AGPAT4: variants seen among roughly 807,000 people sequenced by gnomAD.
AGPAT4 encodes the protein 1-acyl-sn-glycerol-3-phosphate acyltransferase delta.
Under a neutral mutation model 48.0 loss-of-function variants are expected in AGPAT4, and 15 were observed. That is an observed-to-expected ratio of 0.31 (90% confidence interval 0.21 to 0.48). AGPAT4 has a LOEUF of 0.48. AGPAT4 is among the 20% of genes least tolerant of loss of function. AGPAT4 has a pLI of 0.99. For synonymous variants in AGPAT4, 178 were observed against 198.7 expected (o/e 0.90, Z 0.88); for missense variants, 314 against 482.5 (o/e 0.65, Z 3.27).
Position 161,136,688 on chromosome 6 carries a change from G to A in AGPAT4, c.1043-54C>T, listed in dbSNP as rs1166547138. On this transcript the variant is annotated intron_variant, in intron 8 of 8. Transcript: ENST00000320285. The stretch of plus-strand genomic sequence containing the variant: ...AGTAGCCCAAACAGACTACAGGGCC[G>A]TTTTCCCACAGAGCAAGTGAGAAGG... 6 of 1,503,414 alleles carry A rather than the reference G, an allele frequency of 4.0e-6. No homozygotes were observed. In the African/African-American group the frequency reaches 4.1e-5, roughly 10 times the overall value. The allele number at this position is 1,503,414 out of a possible 1,614,324, so 93.1% of individuals were successfully genotyped here.
chr6:161,269,257 G>A (rs888192114), intron 1 of AGPAT4, among the ~76,000 whole-genome samples: 20 of 152,180 alleles, frequency 1.3e-4, no homozygotes, highest in Non-Finnish European at 2.1e-4. Flanking sequence ...TGTCTCCTGC[G>A]TTAGAAATTC....
In AGPAT4 at chr6:161,134,344, T is replaced by TATG. The variant is rs1562560787; in HGVS notation, c.*2193_*2195dup. 1 of 152,204 alleles carries TATG rather than the reference T, an allele frequency of 6.6e-6. No individual in the cohort carries two copies. The highest frequency in any genetic ancestry group is 2.4e-5 in the African/African-American group (1 of 41,444). 9.4% of individuals were successfully genotyped at this position (152,204 alleles called of 1,614,324 possible). ...TTGAATGTCTGTGGGCCCCCGGATC[T>TATG]ATGTTTTTAGAACTTACTTAGATTA... On this transcript the variant is annotated 3_prime_UTR_variant, in exon 9 of 9. Coordinates refer to ENST00000320285, the MANE Select transcript of AGPAT4 (RefSeq NM_020133.3).
Position 161,259,399 on chromosome 6 carries a change from G to A in AGPAT4, c.-90+14539C>T, listed in dbSNP as rs150734570. Among the ~76,000 whole-genome samples, 29 of 152,144 alleles carry A rather than the reference G, an allele frequency of 1.9e-4. No individual in the cohort carries two copies. The highest frequency in any genetic ancestry group is 6.3e-4 in the African/African-American group (26 of 41,540). ...AGTCCTAATATGACCTTGGCTGTCC[G>A]CAGCGCGTATGCTTTGAGTTGCTGG... On this transcript the variant is annotated intron_variant, in intron 1 of 8. Transcript: ENST00000320285. This position sits in a 1 kb window ranked among gnomAD's most constrained non-coding sequence, Gnocchi z 4.9.
At chr6:161,151,934 G>A (rs1288786188) in intron 5 of AGPAT4, among the ~76,000 whole-genome samples, 1 of 152,246 alleles carries the variant, frequency 6.6e-6, no homozygotes, top group Non-Finnish European at 1.5e-5. Context: ...CTTGGGCTGA[G>A]CCCAGAGCAA....
At position 161,184,906 on chromosome 6, in the gene AGPAT4, C is replaced by A. The variant is rs569552104; in HGVS notation, c.179-18489G>T. 9.2e-5 allele frequency among the ~76,000 whole-genome samples: 14 copies of A among 152,166 alleles called. No homozygotes were observed. The highest frequency in any genetic ancestry group is 3.4e-4 in the African/African-American group (14 of 41,512). On this transcript the variant is annotated intron_variant, in intron 2 of 8. Coordinates refer to ENST00000320285, the MANE Select transcript of AGPAT4 (RefSeq NM_020133.3). This position sits in a 1 kb window ranked among gnomAD's most constrained non-coding sequence, Gnocchi z 4.8. ...AGTATCAAGCACCCATACATAACTT[C>A]TAGTTTACAGGCAGGTCAAGAGGGA...
At position 161,231,932 on chromosome 6, in the gene AGPAT4, C is replaced by A; in HGVS notation, c.178+104G>T. 1.7e-6 allele frequency: 2 copies of A among 1,165,034 alleles called. No homozygotes were observed. Among genetic ancestry groups the A allele is most frequent in the Non-Finnish European group, 2.3e-6 (2 of 863,146 alleles). The allele number at this position is 1,165,034 out of a possible 1,614,324, so 72.2% of individuals were successfully genotyped here. On this transcript the variant is annotated intron_variant, in intron 2 of 8. Transcript: ENST00000320285. The surrounding 1 kb of genome is among the most constrained non-coding windows in gnomAD (Gnocchi z 5.3). Reference sequence around the variant, plus strand: ...CTAAAACAAAAACAAAACAAAAAAACAGCTCGGCACACAACGAAAGCCTAG... The same window carrying A: ...CTAAAACAAAAACAAAACAAAAAAAAAGCTCGGCACACAACGAAAGCCTAG...
intron 2 of AGPAT4, among the ~76,000 whole-genome samples, chr6:161,176,265 G>C (rs1780424099): frequency 1.3e-5 from 2 of 152,016 alleles, no homozygotes; most frequent in Non-Finnish European, 2.9e-5. Context: ...TATTGTGTGG[G>C]AGTCTAAGTC....
Position 161,131,125 on chromosome 6 carries a change from C to A in AGPAT4, c.*5415G>T. ...AATGTCAAAAAATATCTAGTCATTC[C>A]AATATGTAAAACAAGACTGCCTTGT... is the stretch of plus-strand genomic sequence containing the variant. On this transcript the variant is annotated 3_prime_UTR_variant, in exon 9 of 9. Coordinates refer to ENST00000320285, the MANE Select transcript of AGPAT4 (RefSeq NM_020133.3). The A allele has an allele frequency of 3.3e-6, 1 of 299,794 alleles. No individual in the cohort carries two copies. Among genetic ancestry groups the A allele is most frequent in the Non-Finnish European group, 6.8e-6 (1 of 148,062 alleles). 18.6% of individuals were successfully genotyped at this position (299,794 alleles called of 1,614,324 possible).
chr6:161,152,045 G>A (rs940911309), intron 5 of AGPAT4, among the ~76,000 whole-genome samples: 2 of 152,168 alleles, frequency 1.3e-5, no homozygotes, highest in East Asian at 1.9e-4. Flanking sequence ...GTGGGCCCTC[G>A]GTTCTGCAGG....
At chr6:161,230,467 G>C (rs1056084064) in intron 2 of AGPAT4, among the ~76,000 whole-genome samples, 8 of 152,164 alleles carry the variant, frequency 5.3e-5, no homozygotes, top group African/African-American at 1.7e-4. Context: ...AACTGCTAGA[G>C]GGTAAAAAGA....
chr6:161,217,180 G>A lies in AGPAT4; in HGVS notation c.178+14856C>T, dbSNP rs1253698040. Among the ~76,000 whole-genome samples, 1 of 152,204 alleles carries A rather than the reference G, an allele frequency of 6.6e-6. No homozygotes were observed. The highest frequency in any genetic ancestry group is 1.5e-5 in the Non-Finnish European group (1 of 68,034). Reference sequence around the variant, plus strand: ...GCGGAGTGAGCACAGGCGTGGGGACGCGAAAGGACAGGGGAACACCGGAGA... The same window carrying A: ...GCGGAGTGAGCACAGGCGTGGGGACACGAAAGGACAGGGGAACACCGGAGA... On this transcript the variant is annotated intron_variant, in intron 2 of 8. Transcript: ENST00000320285. This position sits in a 1 kb window ranked among gnomAD's most constrained non-coding sequence, Gnocchi z 4.9.
At chr6:161,160,598 G>C in intron 3 of AGPAT4, 1 of 195,434 alleles carries the variant, frequency 5.1e-6, no homozygotes, top group East Asian at 1.1e-4. Flanking sequence ...GGGTTTGACA[G>C]GCATGCAGAT....
At position 161,240,982 on chromosome 6, in the gene AGPAT4, C is replaced by T. The variant is rs145312027; in HGVS notation, c.-89-8680G>A. On this transcript the variant is annotated intron_variant, in intron 1 of 8. Coordinates refer to ENST00000320285, the MANE Select transcript of AGPAT4 (RefSeq NM_020133.3). The surrounding 1 kb of genome is among the most constrained non-coding windows in gnomAD (Gnocchi z 5.5). ...TCCTCAATTAAAAAATAATCATCAT[C>T]GGCCAGGTGCAGCGGCTCACACCTG... is the stretch of plus-strand genomic sequence containing the variant. Among the ~76,000 whole-genome samples, 696 of 152,108 alleles carry T rather than the reference C, an allele frequency of 4.6e-3. 10 individuals carry two copies. The highest frequency in any genetic ancestry group is 0.031 in the East Asian group (161 of 5,172).
chr6:161,198,240 T>C lies in AGPAT4; in HGVS notation c.179-31823A>G, dbSNP rs1781123340. ...ATAAAACCCTCTAAATTATACTTCT[T>C]GCTTGTACGTAAATATAATCTCAAG... On this transcript the variant is annotated intron_variant, in intron 2 of 8. Transcript: ENST00000320285. This position sits in a 1 kb window ranked among gnomAD's most constrained non-coding sequence, Gnocchi z 4.3. 6.6e-6 allele frequency among the ~76,000 whole-genome samples: 1 copy of C among 152,260 alleles called. No homozygotes were observed. The highest frequency in any genetic ancestry group is 1.5e-5 in the Non-Finnish European group (1 of 68,042).
At chr6:161,182,458 A>C in intron 2 of AGPAT4, among the ~76,000 whole-genome samples, 1 of 130,160 alleles carries the variant, frequency 7.7e-6, no homozygotes, top group Admixed American at 7.9e-5. Context: ...GTGTCACCCT[A>C]TCCCCTCACC....
At chr6:161,188,624 A>G (rs550071499) in intron 2 of AGPAT4, among the ~76,000 whole-genome samples, 4 of 152,348 alleles carry the variant, frequency 2.6e-5, no homozygotes, top group Admixed American at 6.5e-5. Flanking sequence ...ATACTAAAAA[A>G]TCATGTGTAT....
At chr6:161,224,306 GC>G (rs889128455) in intron 2 of AGPAT4, among the ~76,000 whole-genome samples, 3 of 152,126 alleles carry the variant, frequency 2.0e-5, no homozygotes, top group African/African-American at 7.2e-5. Context: ...ATAACATGTG[GC>G]AAGTAGAACC....
At chr6:161,194,996 T>C (rs903126631) in intron 2 of AGPAT4, among the ~76,000 whole-genome samples, 3 of 152,234 alleles carry the variant, frequency 2.0e-5, no homozygotes, top group Non-Finnish European at 4.4e-5. Flanking sequence ...GCACCTTACT[T>C]GCCCCGGGAG....
At chr6:161,163,002 T>A (rs1779979953) in intron 3 of AGPAT4, among the ~76,000 whole-genome samples, 1 of 152,220 alleles carries the variant, frequency 6.6e-6, no homozygotes, top group Non-Finnish European at 1.5e-5. Flanking sequence ...GACTCCAAGA[T>A]CAACCAAAGC....
Sources: allele counts gnomAD v4.1 joint callset (sites outside exome capture counted in the v4.1 genomes callset), GRCh38; gene constraint gnomAD v4.1.1; non-coding constraint Gnocchi (gnomAD v3.1); transcripts MANE v1.5; gene names NCBI Gene and HGNC (gene_info 2026-07-23, HGNC 2026-07-21).